EPB41L2: variants seen among roughly 807,000 people sequenced by gnomAD.
EPB41L2 encodes the protein erythrocyte membrane protein band 4.1 like 2, also known as band 4.1-like protein 2.
EPB41L2 carries 43 observed loss-of-function variants against 113.0 expected under a neutral mutation model. The observed-to-expected ratio is 0.38, with a 90% CI of 0.30 to 0.49. EPB41L2 has a LOEUF of 0.49. Among genes scored for constraint, EPB41L2 ranks in the 20% least tolerant of loss-of-function variants. The pLI is 0.95. For synonymous variants in EPB41L2, 442 were observed against 436.7 expected, an observed-to-expected ratio of 1.01 and a Z score of -0.15; for missense variants, 1,147 against 1,223.4, an observed-to-expected ratio of 0.94 and a Z score of 0.93.
chr6:130,948,414 GAA>G (rs1813665927), intron 3 of EPB41L2, among the ~76,000 whole-genome samples: 1 of 152,112 alleles, frequency 6.6e-6, no homozygotes, highest in African/African-American at 2.4e-5. Flanking sequence ...ATAAGATGGG[GAA>G]AGAGGCGAGT....
At chr6:130,967,646 C>T (rs1775643955) in intron 1 of EPB41L2, among the ~76,000 whole-genome samples, 2 of 152,138 alleles carry the variant, frequency 1.3e-5, no homozygotes, top group Non-Finnish European at 2.9e-5. Context: ...CTTTCAGCAG[C>T]TTCCTCCTCA....
chr6:130,944,168 C>CACACAA (rs1811937687), intron 3 of EPB41L2, among the ~76,000 whole-genome samples: 1 of 136,230 alleles, frequency 7.3e-6, no homozygotes, highest in Admixed American at 7.3e-5. Flanking sequence ...TACATACACA[C>CACACAA]ACATACACAC....
At chr6:130,856,663 A>C (rs1350831502) in intron 19 of EPB41L2, among the ~76,000 whole-genome samples, 1 of 152,210 alleles carries the variant, frequency 6.6e-6, no homozygotes, top group Non-Finnish European at 1.5e-5. Flanking sequence ...GTAACCTGTG[A>C]CCCAGCCATT....
At chr6:131,004,810 A>T (rs1417987574) in intron 1 of EPB41L2, among the ~76,000 whole-genome samples, 1 of 152,108 alleles carries the variant, frequency 6.6e-6, no homozygotes, top group Non-Finnish European at 1.5e-5. Flanking sequence ...CTCCCTGGTC[A>T]CCTTTCCCTT....
intron 5 of EPB41L2, among the ~76,000 whole-genome samples, chr6:130,905,897 C>T (rs555480799): frequency 3.8e-4 from 58 of 152,262 alleles, no homozygotes; most frequent in African/African-American, 1.2e-3. Context: ...CTGTTGTATA[C>T]AAATGCATTT....
Position 130,848,197 on chromosome 6 carries a change from T to TCA in EPB41L2, c.*6-7600_*6-7599insTG, listed in dbSNP as rs1309842285. 6.6e-3 allele frequency among the ~76,000 whole-genome samples: 837 copies of TCA among 127,754 alleles called. 9 individuals carry two copies. Among genetic ancestry groups the TCA allele is most frequent in the East Asian group, 0.053 (183 of 3,442 alleles). 83.8% of individuals were successfully genotyped at this position (127,754 alleles called of 152,430 possible). ...GTCTCTCTCTGTCTCTCTCTCTCTC[T>TCA]CTCACACACACACACACACACACAC... On this transcript the variant is annotated intron_variant, in intron 19 of 19. Coordinates refer to ENST00000337057, the MANE Select transcript of EPB41L2 (RefSeq NM_001431.4).
intron 5 of EPB41L2, among the ~76,000 whole-genome samples, chr6:130,908,261 G>A (rs951151151): frequency 2.0e-5 from 3 of 152,162 alleles, no homozygotes; most frequent in African/African-American, 7.2e-5. Flanking sequence ...GAACAATGAG[G>A]CCTAACTACA....
At chr6:130,981,380 A>T (rs1021987146) in intron 1 of EPB41L2, among the ~76,000 whole-genome samples, 6 of 152,148 alleles carry the variant, frequency 3.9e-5, no homozygotes, top group African/African-American at 1.4e-4. Context: ...ATTTTATTAG[A>T]TACAATACCT....
intron 3 of EPB41L2, among the ~76,000 whole-genome samples, chr6:130,951,726 G>T (rs1815181251): frequency 6.6e-6 from 1 of 152,060 alleles, no homozygotes; most frequent in South Asian, 2.1e-4. Flanking sequence ...CCCATGAGAG[G>T]ATCATACTTG....
intron 1 of EPB41L2, among the ~76,000 whole-genome samples, chr6:131,021,291 C>T (rs905642592): frequency 2.6e-5 from 4 of 152,040 alleles, no homozygotes; most frequent in Non-Finnish European, 5.9e-5. Context: ...GTATAGCAAA[C>T]GAGAATTAAT....
At chr6:130,976,363 A>C (rs867027695) in intron 1 of EPB41L2, among the ~76,000 whole-genome samples, 41 of 152,204 alleles carry the variant, frequency 2.7e-4, no homozygotes, top group African/African-American at 9.2e-4. Flanking sequence ...AACCAGAATA[A>C]TGTATACAAC....
intron 10 of EPB41L2, among the ~76,000 whole-genome samples, chr6:130,892,422 T>TTTTTTTTTTTTTA (rs59118485): frequency 7.3e-6 from 1 of 136,070 alleles, no homozygotes; most frequent in African/African-American, 2.9e-5. Context: ...TTTTTTTTTT[T>TTTTTTTTTTTTTA]ATCATTATGT....
At chr6:130,921,622 T>C (rs1057479478) in intron 4 of EPB41L2, among the ~76,000 whole-genome samples, 2 of 152,210 alleles carry the variant, frequency 1.3e-5, no homozygotes, top group Non-Finnish European at 2.9e-5. Context: ...ACATCCAGAA[T>C]ACTGGCCGTA....
Position 130,894,393 on chromosome 6 carries a change from C to G in EPB41L2, c.1438G>C (p.Ala480Pro). 1.2e-6 allele frequency: 2 copies of G among 1,613,886 alleles called. No homozygotes were observed. The highest frequency in any genetic ancestry group is 1.7e-6 in the Non-Finnish European group (2 of 1,179,882). The change falls in exon 10 of 20, where the codon GCA (alanine) becomes CCA (proline). Residue 480 changes from alanine to proline, a missense_variant. Ala to Pro is a conservative substitution (Grantham distance 27). Coordinates refer to ENST00000337057, the MANE Select transcript of EPB41L2 (RefSeq NM_001431.4). ...CACACTTTCCATAGTCTTTTCGCTG[C>G]CCGGTGGTTTGGCAGTTTGAATCCA... ...TIGFKLPNHR[A>P]AKRLWKVCVE...
chr6:130,894,205 A>G, intron 10 of EPB41L2, 139 bp downstream of exon 10: 1 of 651,756 alleles, frequency 1.5e-6, no homozygotes, highest in Non-Finnish European at 2.7e-6. Flanking sequence ...AAAAAAAGAG[A>G]GATGGAGTCT....
At chr6:130,960,343 G>A (rs1818931378) in intron 1 of EPB41L2, among the ~76,000 whole-genome samples, 1 of 152,158 alleles carries the variant, frequency 6.6e-6, no homozygotes, top group African/African-American at 2.4e-5. Flanking sequence ...TTAAAAGTAA[G>A]AAATTTATAG....
At position 130,926,496 on chromosome 6, in the gene EPB41L2, T is replaced by C. The variant is rs1359417292; in HGVS notation, c.810+109A>G. ...TTTACCAAATTTCACAGTGAAGTCA[T>C]AATAAACACCTAAGTTATTTTAAAG... On this transcript the variant is annotated intron_variant, in intron 4 of 19. Transcript: ENST00000337057. The C allele has an allele frequency of 3.7e-6, 3 of 800,910 alleles. No homozygotes were observed. In the African/African-American group the frequency reaches 5.4e-5, roughly 14 times the overall value. 49.6% of individuals were successfully genotyped at this position (800,910 alleles called of 1,614,324 possible).
chr6:130,937,164 G>A (rs1408650092), intron 3 of EPB41L2, among the ~76,000 whole-genome samples: 2 of 152,184 alleles, frequency 1.3e-5, no homozygotes, highest in Non-Finnish European at 1.5e-5. Context: ...CACAGTTTAT[G>A]TCAGGGTTCA....
At chr6:130,908,891 A>T (rs1301646112) in intron 4 of EPB41L2, 28 bp from the exon 5 acceptor site, 9 of 1,548,404 alleles carry the variant, frequency 5.8e-6, no homozygotes, top group Admixed American at 5.3e-5. Flanking sequence ...ATTAATTCAT[A>T]AGAAATATTC....
Sources: gnomAD v4.1 joint callset for allele counts (sites outside exome capture counted in the v4.1 genomes callset) on GRCh38, gnomAD v4.1.1 for gene constraint, MANE v1.5 for transcripts, NCBI Gene and HGNC (gene_info 2026-07-23, HGNC 2026-07-21) for gene names.